Variants in NUP210L observed in about 807,000 individuals in gnomAD.
The protein encoded by NUP210L is nucleoporin 210 like, also known as nuclear pore membrane glycoprotein 210-like.
Under a neutral mutation model 208.5 loss-of-function variants are expected in NUP210L, and 74 were observed. That is an observed-to-expected ratio of 0.35 (90% CI 0.29 to 0.43). NUP210L has a LOEUF of 0.43. Among genes scored for constraint, NUP210L ranks in the 20% least tolerant of loss-of-function variants. NUP210L has a pLI of 1.00. For missense variants in NUP210L, 1,843 were observed against 2,289.4 expected (o/e 0.81, Z 3.98); for synonymous variants, 780 against 816.9 (o/e 0.95, Z 0.77).
chr1:154,057,024 G>A (rs970384429), intron 22 of NUP210L, 77 bp from the exon 23 acceptor site: 3 of 1,455,302 alleles, frequency 2.1e-6, no homozygotes, highest in Non-Finnish European at 2.8e-6. Context: ...TGTCGCCCAG[G>A]CTGGAGTGCA....
intron 27 of NUP210L, among the ~76,000 whole-genome samples, chr1:154,045,024 A>G (rs769453690): frequency 1.3e-5 from 2 of 152,176 alleles, no homozygotes; most frequent in African/African-American, 2.4e-5. Context: ...ATGGTTCCAG[A>G]TACAGCAGGT....
At chr1:154,016,758 A>T (rs1336812019) in intron 33 of NUP210L, among the ~76,000 whole-genome samples, 1 of 152,158 alleles carries the variant, frequency 6.6e-6, no homozygotes, top group Non-Finnish European at 1.5e-5. Context: ...AGCATGGGCA[A>T]CATGGTGAAA....
chr1:154,052,370 G>C (rs1006414177), intron 25 of NUP210L, among the ~76,000 whole-genome samples: 4 of 152,140 alleles, frequency 2.6e-5, no homozygotes, highest in African/African-American at 9.7e-5. Context: ...GCCATGTCAA[G>C]ACTGATGCTG....
chr1:154,125,668 A>G (rs1423617370), intron 10 of NUP210L, among the ~76,000 whole-genome samples: 1 of 2,546 alleles, frequency 3.9e-4, no homozygotes, highest in African/African-American at 8.4e-4. Context: ...GAAGGAAGGA[A>G]GGAAGGAAGG....
chr1:154,139,949 A>G, exon 5 of NUP210L: 1 of 1,603,742 alleles, frequency 6.2e-7, no homozygotes. Flanking sequence ...AGTATTTAAG[A>G]ATCCTAAAGA....
At chr1:154,039,936 G>A (rs753640409) in intron 27 of NUP210L, 14 of 152,068 alleles carry the variant, frequency 9.2e-5, no homozygotes, top group Non-Finnish European at 1.8e-4. Flanking sequence ...AACACTTAAC[G>A]AATTTGCAGG....
At chr1:154,129,899 C>T (rs1658158357) in intron 7 of NUP210L, among the ~76,000 whole-genome samples, 1 of 152,234 alleles carries the variant, frequency 6.6e-6, no homozygotes, top group Non-Finnish European at 1.5e-5. Context: ...ACTTATACCT[C>T]ATTCTACCAC....
At chr1:154,066,864 C>T (rs1384652549) in intron 17 of NUP210L, among the ~76,000 whole-genome samples, 2 of 152,244 alleles carry the variant, frequency 1.3e-5, no homozygotes, top group East Asian at 1.9e-4. Context: ...AATTTCTGGA[C>T]ACATACACCC....
At chr1:154,013,244 T>G (rs963560734) in intron 33 of NUP210L, among the ~76,000 whole-genome samples, 2 of 151,984 alleles carry the variant, frequency 1.3e-5, no homozygotes, top group African/African-American at 4.8e-5. Context: ...CAATTATTCC[T>G]TCAGACATAT....
At chr1:154,016,973 A>C (rs1330393627) in intron 33 of NUP210L, among the ~76,000 whole-genome samples, 1 of 151,966 alleles carries the variant, frequency 6.6e-6, no homozygotes, top group African/African-American at 2.4e-5. Flanking sequence ...CTCAAAAAAA[A>C]ACAAAAAAAC....
chr1:154,061,378 A>AAAT (rs537711266), intron 18 of NUP210L, among the ~76,000 whole-genome samples: 2,874 of 150,108 alleles, frequency 0.019, 35 homozygotes, highest in African/African-American at 0.028. Context: ...ACTTCATCTC[A>AAAT]AATAATAATA....
chr1:154,115,693 T>C (rs1346009738), intron 12 of NUP210L, among the ~76,000 whole-genome samples: 2 of 152,212 alleles, frequency 1.3e-5, no homozygotes, highest in Non-Finnish European at 2.9e-5. Context: ...TTCCTAGTTA[T>C]ACTTTAAATA....
At chr1:154,001,334 A>G (rs940648157) in intron 36 of NUP210L, among the ~76,000 whole-genome samples, 5 of 152,034 alleles carry the variant, frequency 3.3e-5, no homozygotes, top group Non-Finnish European at 7.4e-5. Context: ...AGTAGCTGGG[A>G]CTACAGGTGT....
intron 27 of NUP210L, among the ~76,000 whole-genome samples, chr1:154,040,194 T>C (rs979745944): frequency 4.6e-5 from 7 of 152,128 alleles, no homozygotes; most frequent in Admixed American, 2.6e-4. Context: ...GGCTAATCTT[T>C]CCTTGTTTGT....
At chr1:154,057,774 C>T (rs901569875) in intron 22 of NUP210L, among the ~76,000 whole-genome samples, 1 of 150,072 alleles carries the variant, frequency 6.7e-6, no homozygotes, top group Non-Finnish European at 1.5e-5. Context: ...GTTGCCCAGG[C>T]TGGAGTGCAG....
At chr1:154,141,636 T>C in intron 3 of NUP210L, 112 bp from the exon 4 acceptor site, 1 of 668,352 alleles carries the variant, frequency 1.5e-6, no homozygotes, top group Non-Finnish European at 2.7e-6. Context: ...GCCTCTTTCA[T>C]TAAGAAATAG....
intron 27 of NUP210L, among the ~76,000 whole-genome samples, chr1:154,034,125 T>C (rs1446928108): frequency 6.6e-6 from 1 of 152,080 alleles, no homozygotes; most frequent in Non-Finnish European, 1.5e-5. Flanking sequence ...TCATCAGAGA[T>C]CTTAGCCTTT....
intron 29 of NUP210L, 78 bp downstream of exon 29, chr1:154,027,428 T>C: frequency 2.0e-6 from 2 of 1,010,254 alleles, no homozygotes; most frequent in Non-Finnish European, 3.0e-6. Context: ...AAGGCAAAAG[T>C]GTTCTTTCTA....
intron 2 of NUP210L, among the ~76,000 whole-genome samples, chr1:154,152,505 T>A (rs1456769034): frequency 1.4e-5 from 2 of 140,244 alleles, no homozygotes; most frequent in Non-Finnish European, 3.0e-5. Context: ...TAGAGATAGG[T>A]CTCACTCTGT....
Sources: allele counts gnomAD v4.1 joint callset (sites outside exome capture counted in the v4.1 genomes callset), GRCh38; gene constraint gnomAD v4.1.1; transcripts MANE v1.5; gene names NCBI Gene and HGNC (gene_info 2026-07-23, HGNC 2026-07-21).